The following TENM2 variants were observed in gnomAD, a reference collection of about 807,000 sequenced individuals.
The protein encoded by TENM2 is teneurin transmembrane protein 2.
TENM2 carries 52 observed loss-of-function variants against 245.2 expected under a neutral mutation model. The ratio of observed to expected loss-of-function variants is 0.21; its 90% CI spans 0.17 to 0.27. TENM2 has a LOEUF of 0.27. Among genes scored for constraint, TENM2 ranks in the 10% least tolerant of loss-of-function variants. The pLI, the probability that TENM2 is intolerant of heterozygous loss-of-function variation, is 1.00. For missense variants in TENM2, 3,046 were observed against 3,666.8 expected, an observed-to-expected ratio of 0.83 and a Z score of 4.37; for synonymous variants, 1,363 against 1,438.9, an observed-to-expected ratio of 0.95 and a Z score of 1.19.
chr5:167,712,605 A>C (rs147931005), intron 2 of TENM2, among the ~76,000 whole-genome samples: 1 of 152,146 alleles, frequency 6.6e-6, no homozygotes, highest in Admixed American at 6.5e-5. Flanking sequence ...TTTCTTTCTT[A>C]GTTTAGAAAT....
At chr5:167,257,982 A>G in the TENM2 span, among the ~76,000 whole-genome samples, 2 of 151,966 alleles carry the variant, frequency 1.3e-5, no homozygotes, top group Non-Finnish European at 2.9e-5. Context: ...TAATGAAATC[A>G]TGAAGCCATA....
At chr5:167,525,066 C>A (rs936205830) in intron 2 of TENM2, among the ~76,000 whole-genome samples, 1 of 151,978 alleles carries the variant, frequency 6.6e-6, no homozygotes, top group African/African-American at 2.4e-5. Context: ...GCTTGATGAG[C>A]AGTTTCTGTG....
intron 23 of TENM2, 53 bp from the exon 26 acceptor site, chr5:168,226,035 G>T (rs1764148220): frequency 6.5e-7 from 1 of 1,531,286 alleles, no homozygotes. Context: ...AACACTGTCA[G>T]CCCCAATGAC....
At chr5:167,261,628 T>G in the TENM2 span, among the ~76,000 whole-genome samples, 5 of 152,266 alleles carry the variant, frequency 3.3e-5, no homozygotes, top group South Asian at 1.0e-3. Context: ...GGACCATTTC[T>G]CCCTTTTGTG....
At chr5:167,010,811 G>A in the TENM2 span, among the ~76,000 whole-genome samples, 2 of 152,136 alleles carry the variant, frequency 1.3e-5, no homozygotes, top group South Asian at 2.1e-4. Flanking sequence ...TATGATAGTG[G>A]TGAAGACCAC....
At chr5:167,882,362 T>G (rs1773949601) in intron 3 of TENM2, among the ~76,000 whole-genome samples, 1 of 152,216 alleles carries the variant, frequency 6.6e-6, no homozygotes, top group African/African-American at 2.4e-5. Flanking sequence ...TGACAAGTCT[T>G]GGAACCATTA....
chr5:167,162,108 G>A, the TENM2 span, among the ~76,000 whole-genome samples: 5 of 151,292 alleles, frequency 3.3e-5, no homozygotes, highest in African/African-American at 1.2e-4. Flanking sequence ...AGAGGCTGCA[G>A]CAGCTGTGAG....
chr5:167,232,570 C>T, the TENM2 span, among the ~76,000 whole-genome samples: 1 of 151,840 alleles, frequency 6.6e-6, no homozygotes, highest in Non-Finnish European at 1.5e-5. Flanking sequence ...ACAGGGTTTC[C>T]CCATGTTGTC....
chr5:167,233,911 A>G, the TENM2 span, among the ~76,000 whole-genome samples: 7,462 of 151,810 alleles, frequency 0.049, 248 homozygotes, highest in Non-Finnish European at 0.07. Context: ...GCTCAAAGTG[A>G]AATGGTGCTT....
At chr5:167,132,442 C>T in the TENM2 span, among the ~76,000 whole-genome samples, 1 of 152,066 alleles carries the variant, frequency 6.6e-6, no homozygotes, top group African/African-American at 2.4e-5. Context: ...TGAGATGGGG[C>T]TGTGGTTGAG....
intron 8 of TENM2, among the ~76,000 whole-genome samples, 167 bp from the exon 11 acceptor site, chr5:168,097,859 C>CCACTCCCTATTCTCTTCCTT (rs1655280376): frequency 6.6e-6 from 1 of 152,132 alleles, no homozygotes; most frequent in Admixed American, 6.5e-5. Flanking sequence ...CCAGTCCCCA[C>CCACTCCCTATTCTCTTCCTT]CACTCCCTAT....
At chr5:167,301,117 C>T (rs1163723753) in intron 1 of TENM2, among the ~76,000 whole-genome samples, 1 of 152,140 alleles carries the variant, frequency 6.6e-6, no homozygotes, top group Non-Finnish European at 1.5e-5. Flanking sequence ...CCGTGATGGC[C>T]TAGGGGGCTT....
intron 2 of TENM2, among the ~76,000 whole-genome samples, chr5:167,608,952 G>T (rs1181051240): frequency 6.6e-6 from 1 of 151,606 alleles, no homozygotes; most frequent in African/African-American, 2.4e-5. Flanking sequence ...AAGTTTTTCA[G>T]TTGAGGAAAT....
the TENM2 span, among the ~76,000 whole-genome samples, chr5:167,195,107 A>G: frequency 9.2e-5 from 14 of 152,172 alleles, no homozygotes; most frequent in Admixed American, 9.2e-4. Flanking sequence ...GGATGTGTGG[A>G]AGAAAGCGGT....
intron 2 of TENM2, among the ~76,000 whole-genome samples, chr5:167,382,142 A>G (rs902035359): frequency 6.6e-6 from 1 of 152,166 alleles, no homozygotes; most frequent in African/African-American, 2.4e-5. Flanking sequence ...TTGGAAATAG[A>G]TGGAGGGAAA....
intron 2 of TENM2, among the ~76,000 whole-genome samples, chr5:167,811,933 T>C (rs925643831): frequency 1.3e-5 from 2 of 152,052 alleles, no homozygotes; most frequent in African/African-American, 4.8e-5. Flanking sequence ...AACAAATTAT[T>C]TAATATAAAG....
Position 167,451,633 on chromosome 5 carries a change from T to C in TENM2, c.502+76160T>C, listed in dbSNP as rs143221491. 6.8e-3 allele frequency among the ~76,000 whole-genome samples: 1,023 copies of C among 151,386 alleles called. 8 individuals are homozygous for C. Among genetic ancestry groups the C allele is most frequent in the African/African-American group, 0.024 (975 of 41,372 alleles). On this transcript the variant is annotated intron_variant, in intron 2 of 28. Coordinates refer to ENST00000518659, the Ensembl canonical transcript of TENM2. ...TCTCAAGGGTGCTTTCAGGAGCAGA[T>C]GCCCTATAGCAACTGATTTTTTTTT...
chr5:166,984,872 A>T, the TENM2 span, among the ~76,000 whole-genome samples: 1 of 152,150 alleles, frequency 6.6e-6, no homozygotes, highest in African/African-American at 2.4e-5. Flanking sequence ...AGTAGAAATC[A>T]CTTAGAAGAA....
chr5:167,433,429 TTAAGAC>T (rs1432680049), intron 2 of TENM2, among the ~76,000 whole-genome samples: 1 of 152,190 alleles, frequency 6.6e-6, no homozygotes, highest in Non-Finnish European at 1.5e-5. Context: ...CAGGTGGAGA[TTAAGAC>T]TAATATGTAG....
Sources: allele counts gnomAD v4.1 joint callset (sites outside exome capture counted in the v4.1 genomes callset), GRCh38; gene constraint gnomAD v4.1.1; transcripts MANE v1.5; gene names NCBI Gene and HGNC (gene_info 2026-07-23, HGNC 2026-07-21).